Variants in ATXN7L1 observed in about 807,000 individuals in gnomAD.
The protein encoded by ATXN7L1 is ataxin 7 like 1.
Under a neutral mutation model 70.8 loss-of-function variants are expected in ATXN7L1, and 15 were observed. That is an observed-to-expected ratio of 0.21 (90% confidence interval 0.14 to 0.33). ATXN7L1 has a LOEUF of 0.33. ATXN7L1 is among the 10% of genes least tolerant of loss of function. The pLI is 1.00. For synonymous variants in ATXN7L1, 440 were observed against 445.1 expected, an observed-to-expected ratio of 0.99 and a Z score of 0.14; for missense variants, 975 against 1,097.1, an observed-to-expected ratio of 0.89 and a Z score of 1.57.
At chr7:105,692,613 G>T (rs1791155298) in intron 3 of ATXN7L1, among the ~76,000 whole-genome samples, 1 of 151,868 alleles carries the variant, frequency 6.6e-6, no homozygotes, top group African/African-American at 2.4e-5. Flanking sequence ...CGCCTGGCTA[G>T]TTTTTGTATT....
chr7:105,642,247 G>T (rs1420171669), intron 5 of ATXN7L1, among the ~76,000 whole-genome samples: 1 of 152,136 alleles, frequency 6.6e-6, no homozygotes, highest in Non-Finnish European at 1.5e-5. Context: ...ACAAGAGACC[G>T]CCCCAGCACC....
intron 2 of ATXN7L1, among the ~76,000 whole-genome samples, chr7:105,815,485 G>A (rs1286882200): frequency 6.6e-6 from 1 of 152,176 alleles, no homozygotes; most frequent in Non-Finnish European, 1.5e-5. Context: ...TAGTAACACT[G>A]GAAGCTGGAA....
intron 2 of ATXN7L1, among the ~76,000 whole-genome samples, chr7:105,806,734 G>A (rs186118890): frequency 3.3e-5 from 5 of 152,214 alleles, no homozygotes; most frequent in Admixed American, 2.0e-4. Context: ...AGGAACGCTC[G>A]CAGAGGGAGG....
At chr7:105,628,540 A>T (rs942316693) in intron 7 of ATXN7L1, among the ~76,000 whole-genome samples, 19 of 152,018 alleles carry the variant, frequency 1.2e-4, no homozygotes, top group African/African-American at 4.6e-4. Flanking sequence ...TTGTAATCCC[A>T]GCACTTTGGG....
chr7:105,758,353 T>C (rs1800065244), intron 3 of ATXN7L1, among the ~76,000 whole-genome samples: 1 of 152,232 alleles, frequency 6.6e-6, no homozygotes, highest in Non-Finnish European at 1.5e-5. Context: ...GAAGCATGAT[T>C]ATACCCATTT....
At chr7:105,692,829 C>T (rs1412683831) in intron 3 of ATXN7L1, among the ~76,000 whole-genome samples, 1 of 151,914 alleles carries the variant, frequency 6.6e-6, no homozygotes, top group Non-Finnish European at 1.5e-5. Flanking sequence ...CCTTGAATTC[C>T]TGGGCTCAAG....
intron 2 of ATXN7L1, among the ~76,000 whole-genome samples, chr7:105,810,722 G>T (rs1217381205): frequency 2.0e-5 from 3 of 152,252 alleles, no homozygotes; most frequent in Non-Finnish European, 4.4e-5. Flanking sequence ...AGGCACTGAA[G>T]CCGGGGATGG....
At chr7:105,746,186 G>A (rs895123590) in intron 3 of ATXN7L1, among the ~76,000 whole-genome samples, 2 of 152,234 alleles carry the variant, frequency 1.3e-5, no homozygotes, top group South Asian at 2.1e-4. Context: ...AGGACTGCTC[G>A]GCTGGACTTT....
intron 2 of ATXN7L1, among the ~76,000 whole-genome samples, chr7:105,812,102 C>T (rs961902336): frequency 6.6e-6 from 1 of 152,190 alleles, no homozygotes. Flanking sequence ...CTCAAGCCCC[C>T]CTGGATGCTA....
intron 3 of ATXN7L1, among the ~76,000 whole-genome samples, chr7:105,770,157 A>G (rs909187948): frequency 6.6e-6 from 1 of 152,212 alleles, no homozygotes; most frequent in African/African-American, 2.4e-5. Flanking sequence ...TCCCCTTTAA[A>G]AACTTACGGC....
chr7:105,870,913 C>T (rs1232846289), intron 2 of ATXN7L1, among the ~76,000 whole-genome samples: 2 of 152,076 alleles, frequency 1.3e-5, no homozygotes, highest in Non-Finnish European at 2.9e-5. Flanking sequence ...GGACTCAGAA[C>T]CCCACTTTTC....
At chr7:105,756,938 T>C (rs1799875108) in intron 3 of ATXN7L1, among the ~76,000 whole-genome samples, 1 of 152,006 alleles carries the variant, frequency 6.6e-6, no homozygotes, top group South Asian at 2.1e-4. Context: ...ACACTTAAAA[T>C]TAAATATGCC....
intron 2 of ATXN7L1, among the ~76,000 whole-genome samples, chr7:105,791,025 GC>G (rs536546483): frequency 2.2e-4 from 33 of 152,344 alleles, no homozygotes; most frequent in African/African-American, 7.7e-4. Flanking sequence ...CCTAAGGGAG[GC>G]CCCCAGGCTC....
intron 3 of ATXN7L1, among the ~76,000 whole-genome samples, chr7:105,786,057 T>G (rs1050760128): frequency 1.3e-5 from 2 of 152,212 alleles, no homozygotes; most frequent in Non-Finnish European, 1.5e-5. Context: ...TGCTTTGCAC[T>G]CTCTGGGTCT....
chr7:105,758,346 G>A lies in ATXN7L1; in HGVS notation c.355+30258C>T, dbSNP rs143155929. 4.8e-3 allele frequency among the ~76,000 whole-genome samples: 732 copies of A among 152,318 alleles called. 27 individuals carry two copies. Among genetic ancestry groups the A allele is most frequent in the Admixed American group, 0.044 (675 of 15,304 alleles). ...AATCCTCATACCACCTCTCTGAGAA[G>A]CATGATTATACCCATTTTCCACACA... On this transcript the variant is annotated intron_variant, in intron 3 of 11. Transcript: ENST00000419735.
Position 105,624,649 on chromosome 7 carries a change from C to CAAAA in ATXN7L1, c.1203-386_1203-383dup, listed in dbSNP as rs386410908. On this transcript the variant is annotated intron_variant, in intron 7 of 11. Coordinates refer to ENST00000419735, the MANE Select transcript of ATXN7L1 (RefSeq NM_020725.2). ...TGGGCGACAGAGCAAGACTCTGTCTCAAAAAAAAAAAAAAAAACAGCCTGA... is the reference window on the plus strand; with the variant it reads ...TGGGCGACAGAGCAAGACTCTGTCTCAAAAAAAAAAAAAAAAAAAAACAGCCTGA... 0.034 allele frequency among the ~76,000 whole-genome samples: 3,894 copies of CAAAA among 114,736 alleles called. 542 individuals carry two copies. The East Asian group carries it at 0.46, about 14-fold the overall frequency. The allele number at this position is 114,736 out of a possible 152,430, so 75.3% of individuals were successfully genotyped here. A position where few individuals can be genotyped will look rare whatever the true frequency, so the allele number is the denominator to read the frequency against.
chr7:105,662,359 C>T (rs1411373670), intron 4 of ATXN7L1, among the ~76,000 whole-genome samples: 1 of 152,114 alleles, frequency 6.6e-6, no homozygotes, highest in Non-Finnish European at 1.5e-5. Context: ...ATCTCGGCCT[C>T]CCAAAGTGCT....
chr7:105,875,635 C>CCA (rs1238525335), intron 2 of ATXN7L1, among the ~76,000 whole-genome samples, 177 bp downstream of exon 2: 13 of 127,718 alleles, frequency 1.0e-4, no homozygotes, highest in South Asian at 6.9e-4. Flanking sequence ...TTACCCCCCC[C>CCA]CCAGTTGTAT....
At chr7:105,785,595 G>GA (rs11386010) in intron 3 of ATXN7L1, among the ~76,000 whole-genome samples, 91,571 of 150,604 alleles carry the variant, frequency 0.61, 29,153 homozygotes, top group African/African-American at 0.82. Flanking sequence ...CAAGGAAAGA[G>GA]AAAAAAAAAA....
Sources: allele counts gnomAD v4.1 joint callset (sites outside exome capture counted in the v4.1 genomes callset), GRCh38; gene constraint gnomAD v4.1.1; transcripts MANE v1.5; gene names NCBI Gene and HGNC (gene_info 2026-07-23, HGNC 2026-07-21).